SPARCL1: variants seen among roughly 807,000 people sequenced by gnomAD.
SPARCL1 encodes SPARC like 1.
A neutral mutation model predicts 67.1 loss-of-function variants in SPARCL1; 52 were observed. The observed-to-expected ratio is 0.78, with a 90% CI of 0.62 to 0.98. The LOEUF (loss-of-function observed/expected upper bound fraction) is 0.98. Among genes scored for constraint, SPARCL1 ranks in the 50% least tolerant of loss-of-function variants. The probability of loss-of-function intolerance (pLI) is 0.00; values close to 1 mark genes in which losing one functional copy is unlikely to be tolerated. For missense variants in SPARCL1, 717 were observed against 782.4 expected (o/e 0.92, Z 1.00); for synonymous variants, 226 against 267.8 (o/e 0.84, Z 1.52).
At chr4:87,515,185 G>A (rs1314429087) in intron 1 of SPARCL1, among the ~76,000 whole-genome samples, 1 of 152,200 alleles carries the variant, frequency 6.6e-6, no homozygotes, top group African/African-American at 2.4e-5. Flanking sequence ...ATAGTTTAAA[G>A]GACAGTTGGT....
chr4:87,485,402 C>T (rs1003228285), intron 7 of SPARCL1, among the ~76,000 whole-genome samples: 6 of 152,152 alleles, frequency 3.9e-5, no homozygotes, highest in African/African-American at 1.4e-4. Context: ...ATCCTTGCAT[C>T]CCAGGGATGA....
At chr4:87,478,613 T>C (rs976974418) in intron 10 of SPARCL1, among the ~76,000 whole-genome samples, 2 of 152,058 alleles carry the variant, frequency 1.3e-5, no homozygotes, top group Non-Finnish European at 2.9e-5. Context: ...AATTTTTGTA[T>C]TTTTGGTAGA....
Position 87,478,701 on chromosome 4 carries a change from G to C in SPARCL1, c.1966+729C>G, listed in dbSNP as rs1037660225. ...GATCCACCCACCTCGGCTTCCCAAA[G>C]TGCTGGGATTACAGGCATGAGCCAC... On this transcript the variant is annotated intron_variant, in intron 10 of 10. Coordinates refer to ENST00000282470, the MANE Select transcript of SPARCL1 (RefSeq NM_004684.6). Among the ~76,000 whole-genome samples, 3 of 152,224 alleles carry C rather than the reference G, an allele frequency of 2.0e-5. No homozygotes were observed. The South Asian group carries it at 6.2e-4, about 32-fold the overall frequency.
chr4:87,481,965 A>G (rs934418637), intron 8 of SPARCL1, among the ~76,000 whole-genome samples: 6 of 152,342 alleles, frequency 3.9e-5, no homozygotes, highest in Admixed American at 2.0e-4. Flanking sequence ...TATCTGGTGA[A>G]TGAATTTTCT....
At chr4:87,480,645 G>C (rs1420601867) in intron 8 of SPARCL1, 125 bp from the exon 9 acceptor site, 1 of 795,948 alleles carries the variant, frequency 1.3e-6, no homozygotes, top group African/African-American at 1.7e-5. Context: ...AGGACATCAT[G>C]TGCAACTAAA....
At chr4:87,497,973 G>T (rs556648671) in intron 2 of SPARCL1, among the ~76,000 whole-genome samples, 1 of 152,038 alleles carries the variant, frequency 6.6e-6, no homozygotes, top group East Asian at 1.9e-4. Flanking sequence ...TACCCAGGCC[G>T]GTCTTGAACT....
intron 2 of SPARCL1, among the ~76,000 whole-genome samples, chr4:87,496,446 T>C (rs946786928): frequency 1.3e-5 from 2 of 152,110 alleles, no homozygotes; most frequent in South Asian, 4.1e-4. Context: ...CTCGAACTTC[T>C]GAACTCAAGC....
chr4:87,479,324 A>T, intron 10 of SPARCL1, 106 bp downstream of exon 10: 4 of 1,225,978 alleles, frequency 3.3e-6, no homozygotes, highest in Admixed American at 2.3e-5. Flanking sequence ...TTTTTTTTCT[A>T]GCTTCCAATT....
rs1235845965 is a variant in SPARCL1, at chr4:87,521,361, A to C, written c.-12+7684T>G. On this transcript the variant is annotated intron_variant, in intron 1 of 10. Coordinates refer to ENST00000282470, the MANE Select transcript of SPARCL1 (RefSeq NM_004684.6). ...TTAAGCATTAATAAGCTGTCTGAAC[A>C]CTGAACCAGACTGTAAACGCAGTCA... 2.0e-5 allele frequency among the ~76,000 whole-genome samples: 3 copies of C among 152,148 alleles called. No individual in the cohort carries two copies. In the East Asian group the frequency reaches 5.8e-4, roughly 29 times the overall value.
At chr4:87,512,622 A>T (rs907216265) in intron 1 of SPARCL1, among the ~76,000 whole-genome samples, 1 of 152,182 alleles carries the variant, frequency 6.6e-6, no homozygotes, top group Non-Finnish European at 1.5e-5. Flanking sequence ...TCAGCCCCAG[A>T]TGTGTTCCTA....
At chr4:87,526,849 C>A (rs1234199340) in intron 1 of SPARCL1, among the ~76,000 whole-genome samples, 1 of 152,156 alleles carries the variant, frequency 6.6e-6, no homozygotes, top group Non-Finnish European at 1.5e-5. Flanking sequence ...TTTAATGTAC[C>A]AAACATGGCT....
rs1725726503 is a variant in SPARCL1, at chr4:87,519,678, G to C, written c.-12+9367C>G. Among the ~76,000 whole-genome samples the C allele has an allele frequency of 2.0e-5, 3 of 152,100 alleles. 1 individual carries two copies. In the East Asian group the frequency reaches 5.8e-4, roughly 29 times the overall value. Reference sequence around the variant, plus strand: ...ATACATATTTTACACACATTCAGTGGAGTACAGTGATTATACAGAAGTGAC... The same window carrying C: ...ATACATATTTTACACACATTCAGTGCAGTACAGTGATTATACAGAAGTGAC... On this transcript the variant is annotated intron_variant, in intron 1 of 10. Transcript: ENST00000282470.
chr4:87,508,816 A>G (rs911837288), intron 1 of SPARCL1, among the ~76,000 whole-genome samples: 30 of 116,964 alleles, frequency 2.6e-4, no homozygotes, highest in African/African-American at 1.0e-3. Context: ...GTGTGTGTGT[A>G]TAGATACATA....
chr4:87,521,379 C>T (rs115769758), intron 1 of SPARCL1, among the ~76,000 whole-genome samples: 2,225 of 152,226 alleles, frequency 0.015, 19 homozygotes, highest in Middle Eastern at 0.027. Context: ...AGACTGTAAA[C>T]GCAGTCATCC....
rs1724964107 is a variant in SPARCL1, at chr4:87,503,986, C to G, written c.-11-4401G>C. On this transcript the variant is annotated intron_variant, in intron 1 of 10. Transcript: ENST00000282470. ...TTTATTGAAGAAAACAGGGCTATAG[C>G]ATAGACTTCCTCATCATATTGGGAA... 3.3e-5 allele frequency among the ~76,000 whole-genome samples: 5 copies of G among 152,016 alleles called. No individual in the cohort carries two copies. In the South Asian group the frequency reaches 8.3e-4, roughly 25 times the overall value.
rs78961697 is a variant in SPARCL1 at position 87,482,891 on chromosome 4, G to A, written c.1532-331C>T. ...TGCTGTAGAATCAGAGTTGAAATTT[G>A]TAGGTGGAGGGCACAAGTGCTATTG... On this transcript the variant is annotated intron_variant, in intron 7 of 10. Coordinates refer to ENST00000282470, the MANE Select transcript of SPARCL1 (RefSeq NM_004684.6). 9.5e-3 allele frequency among the ~76,000 whole-genome samples: 1,446 copies of A among 152,258 alleles called. 28 individuals carry two copies. The highest frequency in any genetic ancestry group is 0.033 in the African/African-American group (1,391 of 41,542).
At chr4:87,504,154 T>TGTGTGTGA (rs1418811830) in intron 1 of SPARCL1, among the ~76,000 whole-genome samples, 2 of 103,948 alleles carry the variant, frequency 1.9e-5, no homozygotes, top group African/African-American at 7.1e-5. Context: ...TGTGTGTGTG[T>TGTGTGTGA]GTGTGTGTGT....
intron 6 of SPARCL1, 65 bp from the exon 7 acceptor site, chr4:87,490,458 C>A: frequency 2.6e-6 from 4 of 1,542,060 alleles, no homozygotes; most frequent in Non-Finnish European, 2.6e-6. Flanking sequence ...CACTCTGCTC[C>A]TTAAAGCTCA....
chr4:87,513,844 A>G (rs1321033664), intron 1 of SPARCL1, among the ~76,000 whole-genome samples: 1 of 152,170 alleles, frequency 6.6e-6, no homozygotes, highest in African/African-American at 2.4e-5. Flanking sequence ...TATATTCTAT[A>G]CTTTTAAATC....
Sources: allele counts gnomAD v4.1 joint callset (sites outside exome capture counted in the v4.1 genomes callset), GRCh38; gene constraint gnomAD v4.1.1; transcripts MANE v1.5; gene names NCBI Gene and HGNC (gene_info 2026-07-23, HGNC 2026-07-21).